The following FHIT variants were observed in gnomAD, a reference collection of about 807,000 sequenced individuals.
FHIT encodes bis(5'-adenosyl)-triphosphatase.
A neutral mutation model predicts 17.9 loss-of-function variants in FHIT; 19 were observed. The ratio of observed to expected loss-of-function variants is 1.06; its 90% confidence interval spans 0.74 to 1.56. The LOEUF is 1.56. Ranked by LOEUF, FHIT falls within the 40% of genes most tolerant of loss-of-function variation. The pLI, the probability that FHIT is intolerant of heterozygous loss-of-function variation, is 0.00. For synonymous variants in FHIT, 81 were observed against 69.7 expected (o/e 1.16, Z -0.81); for missense variants, 248 against 189.2 (o/e 1.31, Z -1.82).
intron 5 of FHIT, among the ~76,000 whole-genome samples, chr3:60,443,445 C>T (rs1428854367): frequency 3.9e-5 from 6 of 152,098 alleles, no homozygotes; most frequent in Non-Finnish European, 8.8e-5. Context: ...GAGATACATC[C>T]CATCAATACC....
chr3:59,784,858 T>C (rs1702764735), intron 8 of FHIT, among the ~76,000 whole-genome samples: 1 of 152,172 alleles, frequency 6.6e-6, no homozygotes, highest in African/African-American at 2.4e-5. Flanking sequence ...TGTATTAGTC[T>C]GTTCTGGCAC....
chr3:61,041,581 C>G (rs535513707), intron 3 of FHIT, among the ~76,000 whole-genome samples: 8 of 151,772 alleles, frequency 5.3e-5, no homozygotes, highest in Middle Eastern at 3.4e-3. Flanking sequence ...AGAAATCTGA[C>G]AAACTCACAA....
intron 2 of FHIT, among the ~76,000 whole-genome samples, chr3:61,156,517 G>C (rs1489746236): frequency 6.6e-6 from 1 of 151,928 alleles, no homozygotes; most frequent in Non-Finnish European, 1.5e-5. Flanking sequence ...AAGTCCCTGA[G>C]ACAGGAATTT....
At chr3:60,178,954 C>T (rs896082920) in intron 5 of FHIT, among the ~76,000 whole-genome samples, 2 of 152,012 alleles carry the variant, frequency 1.3e-5, no homozygotes, top group African/African-American at 2.4e-5. Context: ...TACGTATTAC[C>T]ATCTCATATT....
chr3:60,924,282 G>A (rs1459169850), intron 3 of FHIT, among the ~76,000 whole-genome samples: 5 of 152,128 alleles, frequency 3.3e-5, no homozygotes, highest in African/African-American at 1.2e-4. Flanking sequence ...CCTGACCCCC[G>A]AGTAGCCTAA....
At chr3:60,712,589 A>T (rs550261589) in intron 4 of FHIT, among the ~76,000 whole-genome samples, 1 of 152,126 alleles carries the variant, frequency 6.6e-6, no homozygotes, top group Non-Finnish European at 1.5e-5. Flanking sequence ...AAGATCTACC[A>T]AGCAAATGGA....
intron 4 of FHIT, among the ~76,000 whole-genome samples, chr3:60,818,010 A>G (rs1701798436): frequency 6.6e-6 from 1 of 152,074 alleles, no homozygotes; most frequent in Non-Finnish European, 1.5e-5. Context: ...TAAGTTCACT[A>G]ACACTTTCCT....
At chr3:60,514,006 A>G (rs961353164) in intron 5 of FHIT, among the ~76,000 whole-genome samples, 3 of 152,200 alleles carry the variant, frequency 2.0e-5, no homozygotes, top group African/African-American at 7.2e-5. Context: ...AAGTTTGGCC[A>G]GGGACAGCCT....
chr3:61,197,544 A>G (rs2038887422), intron 2 of FHIT, among the ~76,000 whole-genome samples: 1 of 152,184 alleles, frequency 6.6e-6, no homozygotes, highest in Admixed American at 6.5e-5. Context: ...ACACAAGGGG[A>G]AATAGAGAAA....
At chr3:61,162,983 G>C (rs556941509) in intron 2 of FHIT, among the ~76,000 whole-genome samples, 3 of 152,274 alleles carry the variant, frequency 2.0e-5, no homozygotes, top group Non-Finnish European at 2.9e-5. Context: ...CAGTATGAGA[G>C]TCATGATTTC....
At chr3:61,072,977 T>A (rs139899569) in intron 2 of FHIT, among the ~76,000 whole-genome samples, 168 of 152,254 alleles carry the variant, frequency 1.1e-3, no homozygotes, top group African/African-American at 3.8e-3. Flanking sequence ...CAGGACCCAA[T>A]TTCTCTAATT....
At chr3:60,170,139 G>C (rs563550796) in intron 5 of FHIT, among the ~76,000 whole-genome samples, 4 of 152,192 alleles carry the variant, frequency 2.6e-5, no homozygotes, top group African/African-American at 9.6e-5. Context: ...TGTGCGAGTT[G>C]GTCCAAGGAC....
chr3:60,013,188 T>C (rs576155281), intron 6 of FHIT, among the ~76,000 whole-genome samples: 1 of 152,302 alleles, frequency 6.6e-6, no homozygotes, highest in South Asian at 2.1e-4. Context: ...TCTGGTCTCT[T>C]TGAAGCTCTA....
At chr3:60,497,519 T>C (rs1046540001) in intron 5 of FHIT, among the ~76,000 whole-genome samples, 3 of 152,220 alleles carry the variant, frequency 2.0e-5, no homozygotes, top group Non-Finnish European at 2.9e-5. Context: ...TCTATAAATA[T>C]ATCTTTGGAA....
At chr3:59,930,347 C>T (rs534141153) in intron 7 of FHIT, among the ~76,000 whole-genome samples, 1 of 152,184 alleles carries the variant, frequency 6.6e-6, no homozygotes, top group African/African-American at 2.4e-5. Flanking sequence ...ATGCTTTGCA[C>T]AGTGCTGTCT....
At chr3:59,959,979 A>G (rs1707589526) in intron 7 of FHIT, among the ~76,000 whole-genome samples, 1 of 152,194 alleles carries the variant, frequency 6.6e-6, no homozygotes, top group Admixed American at 6.5e-5. Flanking sequence ...TAAAGTATTC[A>G]AGGAGCTATG....
chr3:60,066,976 A>C (rs1422859109), intron 5 of FHIT, among the ~76,000 whole-genome samples: 1 of 152,116 alleles, frequency 6.6e-6, no homozygotes, highest in African/African-American at 2.4e-5. Flanking sequence ...ATACTGACAC[A>C]GCGCTTCATG....
chr3:61,210,212 C>T (rs977353670), intron 1 of FHIT, among the ~76,000 whole-genome samples: 2 of 152,196 alleles, frequency 1.3e-5, no homozygotes, highest in Non-Finnish European at 2.9e-5. Context: ...GTTAGAACGC[C>T]CCTAGTGCGG....
At chr3:60,857,593 A>G (rs1703442256) in intron 3 of FHIT, among the ~76,000 whole-genome samples, 1 of 152,220 alleles carries the variant, frequency 6.6e-6, no homozygotes, top group Non-Finnish European at 1.5e-5. Flanking sequence ...AATGTTATAA[A>G]GAGTTCTTTA....
Sources: gnomAD v4.1 joint callset for allele counts (sites outside exome capture counted in the v4.1 genomes callset) on GRCh38, gnomAD v4.1.1 for gene constraint, MANE v1.5 for transcripts, NCBI Gene and HGNC (gene_info 2026-07-23, HGNC 2026-07-21) for gene names.